Variants in MFSD6 observed in about 807,000 individuals in gnomAD.
MFSD6 encodes the protein major facilitator superfamily domain-containing protein 6.
In MFSD6, 26 loss-of-function variants were observed where a neutral mutation model predicts 56.3. The observed-to-expected ratio is 0.46, with a 90% CI of 0.34 to 0.64. The LOEUF (loss-of-function observed/expected upper bound fraction) is 0.64, where lower values mean the gene tolerates loss of function less well. MFSD6 is among the 30% of genes least tolerant of loss of function. MFSD6 has a pLI of 0.01. For missense variants in MFSD6, 750 were observed against 986.2 expected (o/e 0.76, Z 3.21); for synonymous variants, 331 against 366.9 (o/e 0.90, Z 1.12).
chr2:190,484,062 G>A (rs941178165), intron 4 of MFSD6, among the ~76,000 whole-genome samples: 5 of 152,100 alleles, frequency 3.3e-5, no homozygotes, highest in African/African-American at 1.2e-4. Context: ...CTTGGTCTCT[G>A]AGAGTCATTC....
In MFSD6 at chr2:190,456,565, G is replaced by A. The variant is rs1446783808; in HGVS notation, c.1533-13193G>A. 1.3e-5 allele frequency among the ~76,000 whole-genome samples: 2 copies of A among 152,114 alleles called. No homozygotes were observed. The highest frequency in any genetic ancestry group is 2.9e-5 in the Non-Finnish European group (2 of 68,034). ...CTGCAGGGCTGATGGCATGGCCTAA[G>A]CCCAAGAGGGAGACTCTGGACAGCT... On this transcript the variant is annotated intron_variant, in intron 3 of 7. Transcript: ENST00000392328. The surrounding 1 kb of genome is among the most constrained non-coding windows in gnomAD (Gnocchi z 5.4).
chr2:190,442,392 A>C (rs974430163), intron 3 of MFSD6, among the ~76,000 whole-genome samples: 10 of 152,110 alleles, frequency 6.6e-5, no homozygotes, highest in African/African-American at 2.2e-4. Flanking sequence ...GGGATCAGTA[A>C]CCTGAATTTC....
chr2:190,428,689 A>C (rs1302325609), intron 2 of MFSD6, among the ~76,000 whole-genome samples: 4 of 151,872 alleles, frequency 2.6e-5, no homozygotes, highest in African/African-American at 9.7e-5. Flanking sequence ...TTATTTATTT[A>C]TTGAGACAGA....
At chr2:190,428,394 T>G (rs1216942029) in intron 2 of MFSD6, among the ~76,000 whole-genome samples, 1 of 152,194 alleles carries the variant, frequency 6.6e-6, no homozygotes, top group South Asian at 2.1e-4. Flanking sequence ...TTTAAAGTAG[T>G]GTATCAATTT....
At chr2:190,446,608 CT>C (rs1686593759) in intron 3 of MFSD6, among the ~76,000 whole-genome samples, 1 of 152,094 alleles carries the variant, frequency 6.6e-6, no homozygotes, top group South Asian at 2.1e-4. Context: ...GAGGGAGGAA[CT>C]AGGAAGGCAC....
chr2:190,437,187 C>T lies in MFSD6; in HGVS notation c.1158C>T (p.Ala386=), dbSNP rs1325916356. Residue 386 remains alanine, a synonymous_variant, in exon 3 of 8, where the codon GCC becomes GCT. Transcript: ENST00000392328. The surrounding 1 kb of genome is among the most constrained non-coding windows in gnomAD (Gnocchi z 5.9). ...TCATGACCATGGCCTTGATCGTTGC[C>T]ACTCAGTTCCGGTTCCGCTACAACC... ...GVLMTMALIV[A]TQFRFRYNHF... 1.2e-6 allele frequency: 2 copies of T among 1,614,236 alleles called. No homozygotes were observed. The highest frequency in any genetic ancestry group is 1.1e-5 in the South Asian group (1 of 91,088).
At position 190,496,642 on chromosome 2, in the gene MFSD6, A is replaced by G. The variant is rs1219664834; in HGVS notation, c.1892-797A>G. Among the ~76,000 whole-genome samples the G allele has an allele frequency of 1.3e-5, 2 of 151,972 alleles. No individual in the cohort carries two copies. Among genetic ancestry groups the G allele is most frequent in the African/African-American group, 4.8e-5 (2 of 41,284 alleles). On this transcript the variant is annotated intron_variant, in intron 6 of 7. Transcript: ENST00000392328. This position sits in a 1 kb window ranked among gnomAD's most constrained non-coding sequence, Gnocchi z 4.7. ...TGTATGTATGTATATGTGTGTATAT[A>G]TATGTATATGTGTATATGTGTGTGT...
chr2:190,483,016 C>T (rs912849837), intron 4 of MFSD6, among the ~76,000 whole-genome samples: 28 of 150,702 alleles, frequency 1.9e-4, no homozygotes, highest in African/African-American at 5.6e-4. Context: ...CTCAGCCTCC[C>T]GAGTAGCTGG....
chr2:190,435,911 A>G, intron 2 of MFSD6, 66 bp from the exon 3 acceptor site: 1 of 1,309,304 alleles, frequency 7.6e-7, no homozygotes, highest in South Asian at 1.7e-5. Context: ...TTCCTGCAAG[A>G]TGAAGTTCTG....
chr2:190,440,549 G>T (rs1451244578), intron 3 of MFSD6, among the ~76,000 whole-genome samples: 2 of 152,134 alleles, frequency 1.3e-5, no homozygotes, highest in Admixed American at 6.5e-5. Flanking sequence ...TAACATTTTA[G>T]CAGCTATGAG....
rs779381360 is a variant in MFSD6, at chr2:190,436,409, G to A, written c.380G>A (p.Arg127His). The change falls in exon 3 of 8, where the codon CGC (arginine) becomes CAC (histidine). Residue 127 changes from arginine (R) to histidine (H), a missense_variant. By Grantham distance (29) the Arg-to-His change is conservative. Around this residue, in one of 5 missense-constraint regions of MFSD6, gnomAD observed 376 missense variants for 437.9 expected, o/e 0.86. Coordinates refer to ENST00000392328, the MANE Select transcript of MFSD6 (RefSeq NM_017694.4). The surrounding 1 kb of genome is among the most constrained non-coding windows in gnomAD (Gnocchi z 5.3). ...CCCTTTTGGGGTGTAGTTGCAGACC[G>A]CTTTAAAAAAGGCAAAATTGTCCTC... ...SAPFWGVVADRFKKGKIVLLF... is the reference protein window; with the variant it reads ...SAPFWGVVADHFKKGKIVLLF... 1.6e-5 allele frequency: 26 copies of A among 1,613,942 alleles called. No homozygotes were observed. Among genetic ancestry groups the A allele is most frequent in the East Asian group, 4.5e-5 (2 of 44,886 alleles).
Position 190,496,656 on chromosome 2 carries a change from ATATG to A in MFSD6, c.1892-781_1892-778del, listed in dbSNP as rs905976076. 8.7e-5 allele frequency among the ~76,000 whole-genome samples: 13 copies of A among 149,610 alleles called. No homozygotes were observed. Among genetic ancestry groups the A allele is most frequent in the African/African-American group, 2.5e-4 (10 of 40,810 alleles). On this transcript the variant is annotated intron_variant, in intron 6 of 7. Transcript: ENST00000392328. The surrounding 1 kb of genome is among the most constrained non-coding windows in gnomAD (Gnocchi z 4.7). ...TGTGTGTATATATATGTATATGTGT[ATATG>A]TGTGTGTATGTGTGTGTGTATATAC...
In MFSD6 at chr2:190,436,467, C is replaced by A. The variant is rs1417863010; in HGVS notation, c.438C>A (p.Asn146Lys). Residue 146 changes from asparagine (N) to lysine (K), a missense_variant, in exon 3 of 8, where the codon AAC becomes AAA. Coordinates refer to ENST00000392328, the MANE Select transcript of MFSD6 (RefSeq NM_017694.4). This position sits in a 1 kb window ranked among gnomAD's most constrained non-coding sequence, Gnocchi z 5.3. ...LFSLLCWVLF[N>K]LGIGFVKPAT... Reference sequence around the variant, plus strand: ...CTCTTTTGTGTTGGGTTTTATTCAACCTGGGCATTGGATTTGTCAAACCTG... The same window carrying A: ...CTCTTTTGTGTTGGGTTTTATTCAAACTGGGCATTGGATTTGTCAAACCTG... 1 of 1,614,020 alleles carries A rather than the reference C, an allele frequency of 6.2e-7. No individual in the cohort carries two copies. The highest frequency in any genetic ancestry group is 8.5e-7 in the Non-Finnish European group (1 of 1,180,040).
In MFSD6 at chr2:190,410,250, A is replaced by G. The variant is rs1690501501; in HGVS notation, c.-176+1747A>G. On this transcript the variant is annotated intron_variant, in intron 1 of 7. Transcript: ENST00000392328. The surrounding 1 kb of genome is among the most constrained non-coding windows in gnomAD (Gnocchi z 4.4). ...ACCATTGTAAACATTTAGTATCTCA[A>G]TCTCTGTAAGATAAATCTTTCCCCT... is the stretch of plus-strand genomic sequence containing the variant. 6.6e-6 allele frequency among the ~76,000 whole-genome samples: 1 copy of G among 152,176 alleles called. No individual in the cohort carries two copies. The highest frequency in any genetic ancestry group is 6.5e-5 in the Admixed American group (1 of 15,282).
rs1267484056 is a variant in MFSD6 at position 190,416,750 on chromosome 2, C to T, written c.-54+1337C>T. 6.6e-6 allele frequency among the ~76,000 whole-genome samples: 1 copy of T among 152,164 alleles called. No homozygotes were observed. Among genetic ancestry groups the T allele is most frequent in the African/African-American group, 2.4e-5 (1 of 41,440 alleles). ...TGCTTTTAGATTAACAGAATGCTTT[C>T]TCATACTTTATTTCATTTAAGCTCT... On this transcript the variant is annotated intron_variant, in intron 2 of 7. Transcript: ENST00000392328. The surrounding 1 kb of genome is among the most constrained non-coding windows in gnomAD (Gnocchi z 4.1).
At chr2:190,419,670 T>C (rs1477502052) in intron 2 of MFSD6, among the ~76,000 whole-genome samples, 1 of 152,272 alleles carries the variant, frequency 6.6e-6, no homozygotes, top group African/African-American at 2.4e-5. Context: ...ATTTTCATAC[T>C]CTCATATATT....
At position 190,497,161 on chromosome 2, in the gene MFSD6, A is replaced by G. The variant is rs538927209; in HGVS notation, c.1892-278A>G. ...CCTAAGGCAACACTCATTATAACCT[A>G]TGCCCCACTGATGTTCTAAGTTAAA... On this transcript the variant is annotated intron_variant, in intron 6 of 7. Coordinates refer to ENST00000392328, the MANE Select transcript of MFSD6 (RefSeq NM_017694.4). This position sits in a 1 kb window ranked among gnomAD's most constrained non-coding sequence, Gnocchi z 5.2. 6.6e-6 allele frequency among the ~76,000 whole-genome samples: 1 copy of G among 152,320 alleles called. No homozygotes were observed. Among genetic ancestry groups the G allele is most frequent in the South Asian group, 2.1e-4 (1 of 4,826 alleles).
chr2:190,474,004 T>G (rs1161650744), intron 4 of MFSD6, among the ~76,000 whole-genome samples: 1 of 151,980 alleles, frequency 6.6e-6, no homozygotes, highest in Non-Finnish European at 1.5e-5. Flanking sequence ...ATAAAGATGC[T>G]CTTTGAAACC....
Position 190,410,310 on chromosome 2 carries a change from G to T in MFSD6, c.-176+1807G>T, listed in dbSNP as rs1298952093. ...CATGACAAAAAGGAAGCTCAGAAGG[G>T]TTAAGCAACTTACACAAACCACATA... On this transcript the variant is annotated intron_variant, in intron 1 of 7. Transcript: ENST00000392328. The surrounding 1 kb of genome is among the most constrained non-coding windows in gnomAD (Gnocchi z 4.4). Among the ~76,000 whole-genome samples the T allele has an allele frequency of 6.6e-6, 1 of 152,174 alleles. No individual in the cohort carries two copies. The highest frequency in any genetic ancestry group is 1.5e-5 in the Non-Finnish European group (1 of 68,030).
Sources: gnomAD v4.1 joint callset for allele counts (sites outside exome capture counted in the v4.1 genomes callset) on GRCh38, gnomAD v4.1.1 for gene constraint, gnomAD v4.1.1 regional missense constraint, Gnocchi (gnomAD v3.1) non-coding constraint, MANE v1.5 for transcripts, NCBI Gene and HGNC (gene_info 2026-07-23, HGNC 2026-07-21) for gene names.